TTC23L: variants seen among roughly 807,000 people sequenced by gnomAD.
TTC23L encodes tetratricopeptide repeat domain 23 like, also known as tetratricopeptide repeat protein 23-like.
In TTC23L, 42 loss-of-function variants were observed where a neutral mutation model predicts 48.1. The ratio of observed to expected loss-of-function variants is 0.87; its 90% CI spans 0.68 to 1.13. The LOEUF is 1.13. Ranked by LOEUF, TTC23L falls within the 50% of genes most tolerant of loss-of-function variation. The probability of loss-of-function intolerance (pLI) is 0.00; values close to 1 mark genes in which losing one functional copy is unlikely to be tolerated. For synonymous variants in TTC23L, 159 were observed against 157.2 expected (o/e 1.01, Z -0.09); for missense variants, 391 against 421.0 (o/e 0.93, Z 0.62).
At chr5:34,870,050 CT>C (rs932255617) in intron 8 of TTC23L, among the ~76,000 whole-genome samples, 2 of 151,418 alleles carry the variant, frequency 1.3e-5, no homozygotes, top group African/African-American at 4.8e-5. Context: ...CAAATTTTAG[CT>C]TTTTTTTAAG....
chr5:34,923,861 C>T, the TTC23L span, among the ~76,000 whole-genome samples: 1 of 152,176 alleles, frequency 6.6e-6, no homozygotes, highest in Non-Finnish European at 1.5e-5. Context: ...CTACCTACTT[C>T]TATTCATGAC....
the TTC23L span, chr5:34,922,244 T>C: frequency 2.5e-6 from 4 of 1,590,176 alleles, no homozygotes; most frequent in Non-Finnish European, 3.4e-6. Flanking sequence ...CTGTAATAAA[T>C]GCATCTATTT....
At chr5:34,910,645 C>T in the TTC23L span, among the ~76,000 whole-genome samples, 1 of 152,126 alleles carries the variant, frequency 6.6e-6, no homozygotes, top group Admixed American at 6.5e-5. Flanking sequence ...CCAGGCTGGT[C>T]TTGAACTCCT....
At chr5:34,888,232 C>T (rs1762652719) in intron 9 of TTC23L, among the ~76,000 whole-genome samples, 1 of 152,180 alleles carries the variant, frequency 6.6e-6, no homozygotes, top group Non-Finnish European at 1.5e-5. Context: ...CTACATCCTC[C>T]ATTTGTAATA....
the TTC23L span, chr5:34,922,975 A>G: frequency 2.0e-6 from 3 of 1,473,094 alleles, no homozygotes; most frequent in Non-Finnish European, 9.4e-7. Context: ...CTACTGTTAA[A>G]TAATATGCTT....
intron 9 of TTC23L, among the ~76,000 whole-genome samples, chr5:34,890,059 G>C (rs910924958): frequency 4.6e-5 from 7 of 151,830 alleles, no homozygotes; most frequent in African/African-American, 1.5e-4. Flanking sequence ...GGATGGTCTT[G>C]ATCTCTTGGC....
chr5:34,898,883 CTT>C (rs1218154582), intron 10 of TTC23L, among the ~76,000 whole-genome samples: 1 of 152,124 alleles, frequency 6.6e-6, no homozygotes, highest in Non-Finnish European at 1.5e-5. Flanking sequence ...CTGGAGCAGT[CTT>C]TTGGATCATA....
downstream of TTC23L, among the ~76,000 whole-genome samples, chr5:34,901,440 A>G (rs1763508616): frequency 6.6e-6 from 1 of 152,208 alleles, no homozygotes; most frequent in South Asian, 2.1e-4. Flanking sequence ...ACATGTTCAA[A>G]GTCAGAAAGG....
chr5:34,845,961 C>T (rs149340275), intron 3 of TTC23L, among the ~76,000 whole-genome samples: 100 of 152,186 alleles, frequency 6.6e-4, no homozygotes, highest in African/African-American at 2.3e-3. Context: ...CCTTGGAAAA[C>T]CGAGGCGGGA....
chr5:34,908,187 T>TTG, the TTC23L span: 1 of 151,742 alleles, frequency 6.6e-6, no homozygotes. Context: ...TTTTTTTTTT[T>TTG]TTTGAGGCAG....
At chr5:34,891,076 AAGG>A (rs10573675) in intron 9 of TTC23L, among the ~76,000 whole-genome samples, 2,149 of 152,334 alleles carry the variant, frequency 0.014, 57 homozygotes, top group African/African-American at 0.05. Context: ...CAGGGCCTGG[AAGG>A]TCTTAGCAGG....
At chr5:34,893,778 T>C (rs529443948) in intron 9 of TTC23L, among the ~76,000 whole-genome samples, 1 of 141,884 alleles carries the variant, frequency 7.0e-6, no homozygotes, top group African/African-American at 2.6e-5. Context: ...AAAAAGTCCT[T>C]GAGAATTAGG....
chr5:34,918,070 G>C, the TTC23L span: 1 of 204,934 alleles, frequency 4.9e-6, no homozygotes, highest in East Asian at 1.1e-4. Flanking sequence ...CCAGCGCTTT[G>C]GGAGGCCAAG....
downstream of TTC23L, among the ~76,000 whole-genome samples, chr5:34,900,074 T>C (rs1480016434): frequency 6.6e-6 from 1 of 152,220 alleles, no homozygotes; most frequent in East Asian, 1.9e-4. Context: ...AATTCTGCGA[T>C]ACCTAAGGAG....
intron 8 of TTC23L, among the ~76,000 whole-genome samples, chr5:34,870,381 C>T (rs981858949): frequency 2.0e-5 from 3 of 151,966 alleles, no homozygotes; most frequent in African/African-American, 7.2e-5. Flanking sequence ...CACAAAGTAC[C>T]ATAAATAAAA....
At chr5:34,872,278 C>T (rs1351399931) in intron 8 of TTC23L, among the ~76,000 whole-genome samples, 4 of 152,130 alleles carry the variant, frequency 2.6e-5, no homozygotes, top group African/African-American at 9.7e-5. Context: ...CACAGTAAGA[C>T]CCTGTCTCTA....
chr5:34,861,232 C>T (rs759288736), intron 4 of TTC23L: 1 of 152,720 alleles, frequency 6.5e-6, no homozygotes, highest in Non-Finnish European at 1.5e-5. Flanking sequence ...TCCCAAAGTG[C>T]TGGGATTACA....
the TTC23L span, chr5:34,925,612 A>G: frequency 2.6e-6 from 2 of 780,676 alleles, no homozygotes; most frequent in Non-Finnish European, 1.9e-6. Context: ...TTTACAAGAA[A>G]GAAAAATTAA....
intron 10 of TTC23L, among the ~76,000 whole-genome samples, chr5:34,898,687 G>C (rs189367193): frequency 2.0e-4 from 30 of 152,270 alleles, no homozygotes; most frequent in Admixed American, 7.8e-4. Flanking sequence ...ATACAGTCCA[G>C]TAATAGAGAA....
Sources: gnomAD v4.1 joint callset for allele counts (sites outside exome capture counted in the v4.1 genomes callset) on GRCh38, gnomAD v4.1.1 for gene constraint, MANE v1.5 for transcripts, NCBI Gene and HGNC (gene_info 2026-07-23, HGNC 2026-07-21) for gene names.